The following SPECC1 variants were observed in gnomAD, a reference collection of about 807,000 sequenced individuals.
SPECC1 encodes the protein cytospin-B.
SPECC1 carries 62 observed loss-of-function variants against 104.1 expected under a neutral mutation model. That is an observed-to-expected ratio of 0.60 (90% CI 0.49 to 0.74). The LOEUF is 0.74. SPECC1 is among the 30% of genes least tolerant of loss of function. The pLI is 0.00. For synonymous variants in SPECC1, 513 were observed against 501.6 expected, an observed-to-expected ratio of 1.02 and a Z score of -0.30; for missense variants, 1,306 against 1,310.5, an observed-to-expected ratio of 1.00 and a Z score of 0.05.
chr17:20,242,015 G>T (rs2039224069), intron 7 of SPECC1, among the ~76,000 whole-genome samples: 1 of 152,190 alleles, frequency 6.6e-6, no homozygotes, highest in African/African-American at 2.4e-5. Context: ...TCAGTAAAGA[G>T]ACCGGCAGGC....
At chr17:20,310,065 A>C (rs1343277333) in intron 14 of SPECC1, among the ~76,000 whole-genome samples, 1 of 151,408 alleles carries the variant, frequency 6.6e-6, no homozygotes, top group Non-Finnish European at 1.5e-5. Flanking sequence ...CAGGTGATCC[A>C]CCCACCTCAG....
chr17:20,155,393 T>A (rs908659911), intron 3 of SPECC1: 8 of 152,232 alleles, frequency 5.3e-5, no homozygotes, highest in African/African-American at 1.9e-4. Context: ...TAAATATTTT[T>A]ACTGCAAGAT....
chr17:20,142,663 T>C (rs1028754178), intron 3 of SPECC1, among the ~76,000 whole-genome samples: 3 of 152,178 alleles, frequency 2.0e-5, no homozygotes, highest in Admixed American at 6.5e-5. Context: ...TAGAGAGTTA[T>C]TCTTTTATAG....
intron 1 of SPECC1, among the ~76,000 whole-genome samples, chr17:20,044,116 G>T (rs1222760303): frequency 6.6e-6 from 1 of 152,038 alleles, no homozygotes; most frequent in Non-Finnish European, 1.5e-5. Context: ...TGCCTGTGTG[G>T]AGAAGAGTAA....
intron 3 of SPECC1, among the ~76,000 whole-genome samples, chr17:20,128,545 A>G (rs909711224): frequency 6.6e-6 from 1 of 152,204 alleles, no homozygotes; most frequent in Non-Finnish European, 1.5e-5. Context: ...GTTTATTCAC[A>G]ATATTCTGAT....
intron 2 of SPECC1, among the ~76,000 whole-genome samples, chr17:20,097,767 T>G (rs777212824): frequency 6.6e-6 from 1 of 152,184 alleles, no homozygotes; most frequent in East Asian, 1.9e-4. Flanking sequence ...GGAGGGAGGC[T>G]CTAGGCTCAG....
intron 3 of SPECC1, chr17:20,126,614 A>C (rs1276092670): frequency 6.6e-6 from 1 of 152,250 alleles, no homozygotes; most frequent in African/African-American, 2.4e-5. Flanking sequence ...GCAGACAGTC[A>C]TATCAGCTGC....
chr17:20,015,269 C>T lies in SPECC1; in HGVS notation c.-22+5845C>T, dbSNP rs547866101. On this transcript the variant is annotated intron_variant, in intron 1 of 14. Transcript: ENST00000395527. ...TGTTTCTTGAAATAAGCATTTTTTT[C>T]TCTCAAATATTCTGTCTTTTTTAAT... is the stretch of plus-strand genomic sequence containing the variant. Among the ~76,000 whole-genome samples, 513 of 151,248 alleles carry T rather than the reference C, an allele frequency of 3.4e-3. 2 individuals carry two copies. Among genetic ancestry groups the T allele is most frequent in the African/African-American group, 0.012 (481 of 41,288 alleles).
Position 20,194,502 on chromosome 17 carries a change from A to ATTTTTTTTTT in SPECC1, c.284-9817_284-9808dup, listed in dbSNP as rs1209589252. ...TGTGTTCTGTTAGAAAAGAGAACGA[A>ATTTTTTTTTT]TTTTTTTTTTTTTTTTTTTTTTTGA... On this transcript the variant is annotated intron_variant, in intron 3 of 14. Coordinates refer to ENST00000395527, the MANE Select transcript of SPECC1 (RefSeq NM_001243439.2). 5.5e-4 allele frequency among the ~76,000 whole-genome samples: 48 copies of ATTTTTTTTTT among 86,532 alleles called. 2 individuals are homozygous for ATTTTTTTTTT. The highest frequency in any genetic ancestry group is 2.2e-3 in the African/African-American group (41 of 18,736). 56.8% of individuals were successfully genotyped at this position (86,532 alleles called of 152,430 possible).
At chr17:20,156,113 C>G (rs1239184163) in intron 3 of SPECC1, 1 of 1,365,630 alleles carries the variant, frequency 7.3e-7, no homozygotes, top group South Asian at 1.7e-5. Context: ...GCAACCGCCT[C>G]GCCAGCCGGA....
chr17:20,318,971 A>T lies in SPECC1; in HGVS notation c.*4906A>T, dbSNP rs1325952028. ...TTAGATGTATTTAACTATTCATAGG[A>T]AAGTGTATGATAAATGACTGTAATA... On this transcript the variant is annotated 3_prime_UTR_variant, in exon 15 of 15. Transcript: ENST00000395527. The T allele has an allele frequency of 5.5e-6, 1 of 182,062 alleles. No homozygotes were observed. The highest frequency in any genetic ancestry group is 1.2e-5 in the Non-Finnish European group (1 of 85,686). The allele number at this position is 182,062 out of a possible 1,614,324, so 11.3% of individuals were successfully genotyped here. A position where few individuals can be genotyped will look rare whatever the true frequency, so the allele number is the denominator to read the frequency against.
chr17:20,155,953 A>T, intron 3 of SPECC1: 1 of 1,249,086 alleles, frequency 8.0e-7, no homozygotes, highest in Non-Finnish European at 1.0e-6. Flanking sequence ...GTCCGGCAGG[A>T]TGCAGATGAA....
intron 6 of SPECC1, 75 bp downstream of exon 6, chr17:20,231,906 A>G (rs2038605670): frequency 1.4e-6 from 2 of 1,457,608 alleles, no homozygotes; most frequent in African/African-American, 1.4e-5. Context: ...CACTCTCTCT[A>G]TCCTGCTTTC....
intron 1 of SPECC1, among the ~76,000 whole-genome samples, chr17:20,037,837 T>C (rs916420315): frequency 6.6e-6 from 1 of 152,300 alleles, no homozygotes; most frequent in African/African-American, 2.4e-5. Flanking sequence ...ATTTGTCGTT[T>C]TTATTTGTTA....
intron 13 of SPECC1, among the ~76,000 whole-genome samples, chr17:20,299,440 A>G (rs2041486731): frequency 6.6e-6 from 1 of 151,142 alleles, no homozygotes; most frequent in Non-Finnish European, 1.5e-5. Context: ...CACATCTGAG[A>G]TCCCAGCTAC....
At chr17:20,074,131 T>A (rs1389008370) in intron 1 of SPECC1, among the ~76,000 whole-genome samples, 1 of 152,176 alleles carries the variant, frequency 6.6e-6, no homozygotes, top group Non-Finnish European at 1.5e-5. Context: ...TCTAAGGTCC[T>A]GTGGAGAGAA....
intron 1 of SPECC1, among the ~76,000 whole-genome samples, chr17:20,036,605 T>A (rs2045094741): frequency 6.6e-6 from 1 of 152,228 alleles, no homozygotes; most frequent in African/African-American, 2.4e-5. Flanking sequence ...GAATACAATA[T>A]ATTAAGTATA....
intron 1 of SPECC1, among the ~76,000 whole-genome samples, chr17:20,015,339 G>C (rs1567793392): frequency 2.0e-5 from 3 of 147,676 alleles, no homozygotes. Flanking sequence ...GTGTTGCCCA[G>C]GCCTGGAGTG....
rs1286989774 is a variant in SPECC1 at position 20,232,212 on chromosome 17, G to A, written c.2158G>A (p.Glu720Lys). 1 of 1,614,066 alleles carries A rather than the reference G, an allele frequency of 6.2e-7. No individual in the cohort carries two copies. Among genetic ancestry groups the A allele is most frequent in the Non-Finnish European group, 8.5e-7 (1 of 1,180,044 alleles). ...CTGACATTTTCAGGAGGAGACCGAG[G>A]AATGGAGGCGGTTCCAGGCGGATCT... The part of the protein sequence containing the change: ...LTKQMKEETE[E>K]WRRFQADLQT... The change falls in exon 7 of 15, where the codon GAA (glutamate) becomes AAA (lysine). Residue 720 changes from glutamate to lysine, a missense_variant. Physicochemically the swap from Glu to Lys is moderately conservative, Grantham distance 56 (BLOSUM62 1). This residue lies in a region of SPECC1 where 1,177 missense variants were observed against 1,139.9 expected (regional missense o/e 1.03). Coordinates refer to ENST00000395527, the MANE Select transcript of SPECC1 (RefSeq NM_001243439.2).
Sources: allele counts gnomAD v4.1 joint callset (sites outside exome capture counted in the v4.1 genomes callset), GRCh38; gene constraint gnomAD v4.1.1; regional missense constraint gnomAD v4.1.1; transcripts MANE v1.5; gene names NCBI Gene and HGNC (gene_info 2026-07-23, HGNC 2026-07-21).